Variants in OTUD5 observed in about 807,000 individuals in gnomAD.
OTUD5 encodes the protein OTU domain-containing protein 5.
Under a neutral mutation model 36.3 loss-of-function variants are expected in OTUD5, and 2 were observed. The ratio of observed to expected loss-of-function variants is 0.06; its 90% CI spans 0.02 to 0.17. The LOEUF is 0.17. Ranked by LOEUF, OTUD5 falls within the 10% of genes least tolerant of loss-of-function variation. The probability of loss-of-function intolerance (pLI) is 1.00; values close to 1 mark genes in which losing one functional copy is unlikely to be tolerated. For missense variants in OTUD5, 233 were observed against 512.3 expected (o/e 0.45, Z 5.26); for synonymous variants, 234 against 214.9 (o/e 1.09, Z -0.78).
chrX:48,954,798 G>A (rs987125943), intron 1 of OTUD5, among the ~76,000 whole-genome samples: 1 of 112,307 alleles, frequency 8.9e-6, no homozygotes, highest in Non-Finnish European at 1.9e-5. Flanking sequence ...GCATAGCTAG[G>A]TCAGGGAGAG....
At chrX:48,933,374 A>G (rs782674583) in intron 5 of OTUD5, among the ~76,000 whole-genome samples, 1 of 110,506 alleles carries the variant, frequency 9.0e-6, no homozygotes, top group African/African-American at 3.3e-5. Flanking sequence ...TTAATACATT[A>G]ATCATAGCGA....
intron 1 of OTUD5, among the ~76,000 whole-genome samples, chrX:48,954,994 G>A (rs895123303): frequency 1.3e-4 from 15 of 111,861 alleles, no homozygotes; most frequent in East Asian, 5.6e-4. Flanking sequence ...ATGACCTCAC[G>A]TTCCTCTCCC....
At chrX:48,956,275 T>C (rs1158063507) in intron 1 of OTUD5, among the ~76,000 whole-genome samples, 2 of 105,940 alleles carry the variant, frequency 1.9e-5, no homozygotes, top group Non-Finnish European at 3.9e-5. Flanking sequence ...CTTACATCCC[T>C]GGAAAAAGCT....
intron 1 of OTUD5, 128 bp from the exon 2 acceptor site, chrX:48,944,411 CCT>C (rs1433683970): frequency 4.3e-6 from 2 of 468,051 alleles, no homozygotes; most frequent in Non-Finnish European, 7.6e-6. Context: ...AGTTCTCAGC[CCT>C]GTTTGACCAC....
chrX:48,922,929 G>T lies in OTUD5; in HGVS notation c.*245C>A. 9.7e-7 allele frequency: 1 copy of T among 1,027,181 alleles called. No individual in the cohort carries two copies. The highest frequency in any genetic ancestry group is 1.2e-6 in the Non-Finnish European group (1 of 803,785). 84.7% of individuals were successfully genotyped at this position (1,027,181 alleles called of 1,213,427 possible). A position where few individuals can be genotyped will look rare whatever the true frequency, so the allele number is the denominator to read the frequency against. ...GAGTCCCCTGTGGAATGCAGGGATG[G>T]TTCTGTGCGGGATGGGGTGGGGGGC... On this transcript the variant is annotated 3_prime_UTR_variant, in exon 9 of 9. Coordinates refer to ENST00000376488, the MANE Select transcript of OTUD5 (RefSeq NM_001136157.2).
rs781897137 is a variant in OTUD5 at position 48,923,266 on chromosome X, G to A, written c.1609C>T (p.Leu537=). ...TGGGACACTGCCAGCACCGAAGCTA[G>A]GATCTCATCATCATCCCAGTCATTC... ...GLNDWDDDEI[L]ASVLAVSQQE... Residue 537 remains leucine (L), a synonymous_variant, in exon 9 of 9, where the codon CTA becomes TTA. Transcript: ENST00000376488. 4.1e-6 allele frequency: 5 copies of A among 1,209,226 alleles called. No homozygotes were observed. The South Asian group carries it at 7.0e-5, about 17-fold the overall frequency.
intron 1 of OTUD5, among the ~76,000 whole-genome samples, chrX:48,949,914 C>T (rs2064103787): frequency 9.1e-6 from 1 of 109,965 alleles, no homozygotes; most frequent in African/African-American, 3.3e-5. Flanking sequence ...TTTGGGAGGC[C>T]GAGGCGGGTG....
intron 5 of OTUD5, among the ~76,000 whole-genome samples, chrX:48,931,122 G>A (rs1336321749): frequency 8.9e-6 from 1 of 111,874 alleles, no homozygotes; most frequent in African/African-American, 3.3e-5. Flanking sequence ...TTTCTTAGGC[G>A]TGGGCTGCAC....
intron 5 of OTUD5, among the ~76,000 whole-genome samples, chrX:48,933,412 G>A (rs6609811): frequency 1.1e-5 from 1 of 92,870 alleles, no homozygotes; most frequent in African/African-American, 3.6e-5. Context: ...TAATATATTT[G>A]TAACTTTTTT....
intron 5 of OTUD5, among the ~76,000 whole-genome samples, chrX:48,930,263 G>A (rs782477681): frequency 3.7e-4 from 42 of 112,052 alleles, no homozygotes; most frequent in Middle Eastern, 4.6e-3. Flanking sequence ...TGTTTCCCAC[G>A]GGGGTACGGG....
chrX:48,926,750 G>A (rs2063672473), intron 5 of OTUD5, among the ~76,000 whole-genome samples: 1 of 111,232 alleles, frequency 9.0e-6, no homozygotes, highest in African/African-American at 3.3e-5. Flanking sequence ...ACAAAAATTA[G>A]CTATGTGTGC....
chrX:48,942,294 C>A (rs1557051312), intron 2 of OTUD5, among the ~76,000 whole-genome samples: 5 of 39,584 alleles, frequency 1.3e-4, no homozygotes, highest in East Asian at 9.7e-4. Context: ...GAACAGCTAG[C>A]TAGATACACA....
At chrX:48,949,787 A>T (rs1276539597) in intron 1 of OTUD5, among the ~76,000 whole-genome samples, 2 of 111,341 alleles carry the variant, frequency 1.8e-5, no homozygotes, top group Non-Finnish European at 3.8e-5. Flanking sequence ...CAGGAAGTGG[A>T]GGGTGCAGTG....
At position 48,957,584 on chromosome X, in the gene OTUD5, A is replaced by G; in HGVS notation, c.-14T>C. Reference sequence around the variant, plus strand: ...GAGTATAGTCATGGCTGCACTGCCGAGTACCCCCCAACAAACCCGGCGCGG... The same window carrying G: ...GAGTATAGTCATGGCTGCACTGCCGGGTACCCCCCAACAAACCCGGCGCGG... On this transcript the variant is annotated 5_prime_UTR_variant, in exon 1 of 9. Coordinates refer to ENST00000376488, the MANE Select transcript of OTUD5 (RefSeq NM_001136157.2). The G allele has an allele frequency of 1.2e-6, 1 of 818,681 alleles. No individual in the cohort carries two copies. The highest frequency in any genetic ancestry group is 1.5e-6 in the Non-Finnish European group (1 of 673,885). The allele number at this position is 818,681 out of a possible 1,213,427, so 67.5% of individuals were successfully genotyped here.
chrX:48,940,974 G>T lies in OTUD5; in HGVS notation c.688+3216C>A, dbSNP rs184463149. Among the ~76,000 whole-genome samples the T allele has an allele frequency of 4.0e-3, 449 of 111,550 alleles. 2 individuals carry two copies. The highest frequency in any genetic ancestry group is 6.7e-3 in the South Asian group (18 of 2,686). On this transcript the variant is annotated intron_variant, in intron 2 of 8. Coordinates refer to ENST00000376488, the MANE Select transcript of OTUD5 (RefSeq NM_001136157.2). The stretch of plus-strand genomic sequence containing the variant: ...TAGGACCCTATAGGAAGATAATCCA[G>T]GGGAACAGAAGGCAGAAAGCCACCT...
intron 2 of OTUD5, among the ~76,000 whole-genome samples, chrX:48,942,244 T>C (rs201147861): frequency 0.011 from 621 of 56,815 alleles, 3 homozygotes; most frequent in Middle Eastern, 0.028. Flanking sequence ...CACACACACA[T>C]ACACACACAC....
chrX:48,934,384 A>T, intron 5 of OTUD5, 80 bp downstream of exon 5: 1 of 805,376 alleles, frequency 1.2e-6, no homozygotes, highest in Non-Finnish European at 1.7e-6. Context: ...TATTTTTGTG[A>T]GTTAGGGGCA....
Position 48,922,596 on chromosome X carries a change from A to G in OTUD5, c.*578T>C. On this transcript the variant is annotated 3_prime_UTR_variant, in exon 9 of 9. Transcript: ENST00000376488. The stretch of plus-strand genomic sequence containing the variant: ...GCCCAGAAAGATGCCACCTTCACAG[A>G]GCCAGTGCTGTCGTCTATATCATTT... The G allele has an allele frequency of 1.3e-6, 1 of 752,979 alleles. No homozygotes were observed. The highest frequency in any genetic ancestry group is 1.6e-6 in the Non-Finnish European group (1 of 637,425). 62.1% of individuals were successfully genotyped at this position (752,979 alleles called of 1,213,427 possible).
chrX:48,936,017 A>G (rs1457201049), intron 2 of OTUD5, among the ~76,000 whole-genome samples: 3 of 109,704 alleles, frequency 2.7e-5, no homozygotes, highest in Non-Finnish European at 5.7e-5. Context: ...CGGGTATAAA[A>G]TAACTACCAC....
Sources: gnomAD v4.1 joint callset for allele counts (sites outside exome capture counted in the v4.1 genomes callset) on GRCh38, gnomAD v4.1.1 for gene constraint, MANE v1.5 for transcripts, NCBI Gene and HGNC (gene_info 2026-07-23, HGNC 2026-07-21) for gene names.